Variants in PLEKHA7 observed in about 807,000 individuals in gnomAD.
PLEKHA7 encodes pleckstrin homology domain containing A7, also known as pleckstrin homology domain-containing family A member 7.
PLEKHA7 carries 104 observed loss-of-function variants against 170.0 expected under a neutral mutation model. The observed-to-expected ratio is 0.61, with a 90% CI of 0.52 to 0.72. The LOEUF (loss-of-function observed/expected upper bound fraction) is 0.72, where lower values mean the gene tolerates loss of function less well. Among genes scored for constraint, PLEKHA7 ranks in the 30% least tolerant of loss-of-function variants. PLEKHA7 has a pLI of 0.00. For synonymous variants in PLEKHA7, 648 were observed against 660.8 expected, an observed-to-expected ratio of 0.98 and a Z score of 0.30; for missense variants, 1,615 against 1,671.7, an observed-to-expected ratio of 0.97 and a Z score of 0.59.
intron 9 of PLEKHA7, among the ~76,000 whole-genome samples, chr11:16,833,119 G>A (rs573495309): frequency 7.2e-4 from 109 of 152,264 alleles, no homozygotes; most frequent in Non-Finnish European, 1.4e-3. Flanking sequence ...AGTTAAATAG[G>A]GCAGCTCCCT....
In PLEKHA7 at chr11:16,826,554, C is replaced by G. The variant is rs780060895; in HGVS notation, c.909G>C (p.Gln303His). 6.2e-7 allele frequency: 1 copy of G among 1,614,004 alleles called. No homozygotes were observed. Among genetic ancestry groups the G allele is most frequent in the Non-Finnish European group, 8.5e-7 (1 of 1,179,992 alleles). Residue 303 changes from glutamine (Q) to histidine (H), a missense_variant, in exon 10 of 27, where the codon CAG becomes CAC. Transcript: ENST00000531066. ...MEKVERQAVPQANHTESCHEC... is the reference protein window; with the variant it reads ...MEKVERQAVPHANHTESCHEC... ...CGTGACAGGACTCTGTGTGGTTGGC[C>G]TGGGGGACAGCCTGCCGCTCCACCT...
intron 3 of PLEKHA7, among the ~76,000 whole-genome samples, chr11:16,925,832 C>T (rs755590388): frequency 7.2e-5 from 11 of 152,252 alleles, no homozygotes; most frequent in South Asian, 2.1e-4. Flanking sequence ...TGCTGCCGTT[C>T]GGCCAGGACG....
At chr11:16,915,560 T>C (rs1373881106) in intron 3 of PLEKHA7, among the ~76,000 whole-genome samples, 6 of 136,760 alleles carry the variant, frequency 4.4e-5, no homozygotes, top group African/African-American at 1.7e-4. Flanking sequence ...CCCCTTCCTG[T>C]GTCCATGTGC....
intron 21 of PLEKHA7, chr11:16,790,311 A>G: frequency 4.8e-6 from 1 of 209,778 alleles, no homozygotes; most frequent in Non-Finnish European, 9.7e-6. Context: ...TTAGAGTGGC[A>G]CTCTGGAAGG....
At chr11:16,940,567 C>T (rs1225886062) in intron 3 of PLEKHA7, among the ~76,000 whole-genome samples, 2 of 152,084 alleles carry the variant, frequency 1.3e-5, no homozygotes, top group Non-Finnish European at 2.9e-5. Context: ...GGATTACAGG[C>T]GTGAGCCACT....
In PLEKHA7 at chr11:16,816,172, C is replaced by T. The variant is rs1260179840; in HGVS notation, c.1953+6G>A. 1.2e-6 allele frequency: 2 copies of T among 1,606,962 alleles called. No individual in the cohort carries two copies. Among genetic ancestry groups the T allele is most frequent in the South Asian group, 2.2e-5 (2 of 90,924 alleles). On this transcript the variant is annotated splice_donor_region_variant and intron_variant, in intron 12 of 26. Transcript: ENST00000531066. Reference sequence around the variant, plus strand: ...TTTGCAGGCTATGTCTTGTCATTCACCCTACCGATTTTCCATGTAAACTGG... The same window carrying T: ...TTTGCAGGCTATGTCTTGTCATTCATCCTACCGATTTTCCATGTAAACTGG...
At chr11:16,946,172 G>A (rs1861018548) in intron 3 of PLEKHA7, among the ~76,000 whole-genome samples, 1 of 152,172 alleles carries the variant, frequency 6.6e-6, no homozygotes, top group African/African-American at 2.4e-5. Context: ...TAGCTCCTGG[G>A]CTCTTCCTGC....
In PLEKHA7 at chr11:16,778,830, A is replaced by G; in HGVS notation, c.*168T>C. 1 of 646,990 alleles carries G rather than the reference A, an allele frequency of 1.5e-6. No individual in the cohort carries two copies. Among genetic ancestry groups the G allele is most frequent in the Non-Finnish European group, 2.8e-6 (1 of 356,492 alleles). The allele number at this position is 646,990 out of a possible 1,614,324, so 40.1% of individuals were successfully genotyped here. ...GAGTCTGAGCTAAACTAGTGGGTGC[A>G]TATTAGGGCCTGGCCTGTGGTGAAC... On this transcript the variant is annotated 3_prime_UTR_variant, in exon 27 of 27. Coordinates refer to ENST00000531066, the MANE Select transcript of PLEKHA7 (RefSeq NM_001329630.2).
intron 3 of PLEKHA7, among the ~76,000 whole-genome samples, chr11:16,954,509 G>A (rs908053019): frequency 6.6e-5 from 10 of 151,520 alleles, no homozygotes; most frequent in Admixed American, 1.3e-4. Flanking sequence ...ACTCCAGCCC[G>A]GGCAACAGAG....
intron 15 of PLEKHA7, 131 bp downstream of exon 15, chr11:16,802,822 AGGCATGAGCCACCGCACCT>A: frequency 1.4e-6 from 1 of 694,078 alleles, no homozygotes; most frequent in Non-Finnish European, 2.5e-6. Flanking sequence ...CTGAGATTAC[AGGCATGAGCCACCGCACCT>A]GGTGCATTTT....
intron 9 of PLEKHA7, among the ~76,000 whole-genome samples, chr11:16,836,235 A>G (rs1335514978): frequency 1.3e-5 from 2 of 152,220 alleles, no homozygotes; most frequent in Non-Finnish European, 2.9e-5. Flanking sequence ...GTGGAGCTCA[A>G]GACTGAATTT....
chr11:16,919,678 T>C (rs2136228437), intron 3 of PLEKHA7, among the ~76,000 whole-genome samples: 1 of 151,752 alleles, frequency 6.6e-6, no homozygotes, highest in African/African-American at 2.4e-5. Context: ...AATTAAAAAT[T>C]TGAGAAAAAA....
At chr11:16,950,576 G>A (rs1371045442) in intron 3 of PLEKHA7, among the ~76,000 whole-genome samples, 1 of 151,294 alleles carries the variant, frequency 6.6e-6, no homozygotes, top group East Asian at 1.9e-4. Context: ...ATGGTCCGCA[G>A]GCCTTCCACA....
At chr11:16,917,585 C>T (rs777046941) in intron 3 of PLEKHA7, among the ~76,000 whole-genome samples, 3 of 152,114 alleles carry the variant, frequency 2.0e-5, no homozygotes, top group Non-Finnish European at 4.4e-5. Context: ...TACTACCCTC[C>T]TCATATTTCC....
chr11:16,790,705 G>A, intron 21 of PLEKHA7, 93 bp downstream of exon 21: 1 of 1,300,978 alleles, frequency 7.7e-7, no homozygotes, highest in South Asian at 1.4e-5. Flanking sequence ...CCTAGGCCTA[G>A]AGCTGCAGGC....
chr11:16,892,971 C>T (rs901171559), intron 3 of PLEKHA7, among the ~76,000 whole-genome samples: 6 of 152,144 alleles, frequency 3.9e-5, no homozygotes, highest in African/African-American at 1.4e-4. Flanking sequence ...AAGGTGTAAA[C>T]AAGTTCCCTA....
At chr11:16,781,607 C>T (rs749811981) in intron 26 of PLEKHA7, among the ~76,000 whole-genome samples, 1 of 152,120 alleles carries the variant, frequency 6.6e-6, no homozygotes, top group South Asian at 2.1e-4. Flanking sequence ...AGCATGTGCT[C>T]GAAGGGACAG....
At chr11:16,985,360 TAATATCAAGTATAGAAATTCCAGATAC>T (rs1361924714) in intron 3 of PLEKHA7, among the ~76,000 whole-genome samples, 8 of 152,244 alleles carry the variant, frequency 5.3e-5, no homozygotes, top group Non-Finnish European at 1.0e-4. Flanking sequence ...ACCTTTTGGC[TAATATCAAGTATAGAAATTCCAGATAC>T]ACAAAACTGA....
At chr11:17,003,253 A>G (rs555906499) in intron 3 of PLEKHA7, among the ~76,000 whole-genome samples, 22 of 152,258 alleles carry the variant, frequency 1.4e-4, no homozygotes, top group Middle Eastern at 3.4e-3. Context: ...GGCATCCCAA[A>G]GTGCTGGGAT....
Sources: gnomAD v4.1 joint callset for allele counts (sites outside exome capture counted in the v4.1 genomes callset) on GRCh38, gnomAD v4.1.1 for gene constraint, MANE v1.5 for transcripts, NCBI Gene and HGNC (gene_info 2026-07-23, HGNC 2026-07-21) for gene names.